EBF1: variants seen among roughly 807,000 people sequenced by gnomAD.
EBF1 encodes the protein transcription factor COE1.
A neutral mutation model predicts 68.4 loss-of-function variants in EBF1; 10 were observed. The ratio of observed to expected loss-of-function variants is 0.15; its 90% CI spans 0.09 to 0.25. EBF1 has a LOEUF of 0.25. Among genes scored for constraint, EBF1 ranks in the 10% least tolerant of loss-of-function variants. The probability of loss-of-function intolerance (pLI) is 1.00; values close to 1 mark genes in which losing one functional copy is unlikely to be tolerated. For missense variants in EBF1, 509 were observed against 794.4 expected (o/e 0.64, Z 4.32); for synonymous variants, 298 against 299.8 (o/e 0.99, Z 0.06).
At chr5:158,783,343 C>T (rs759059256) in intron 9 of EBF1, among the ~76,000 whole-genome samples, 4 of 152,036 alleles carry the variant, frequency 2.6e-5, no homozygotes, top group African/African-American at 2.4e-5. Flanking sequence ...GAATTAGATG[C>T]GTATTTGCAC....
rs1015400316 is a variant in EBF1 at position 158,696,614 on chromosome 5, C to T, written c.*2497G>A. 3 of 219,462 alleles carry T rather than the reference C, an allele frequency of 1.4e-5. No homozygotes were observed. The highest frequency in any genetic ancestry group is 9.2e-6 in the Non-Finnish European group (1 of 109,210). 13.6% of individuals were successfully genotyped at this position (219,462 alleles called of 1,614,324 possible). Reference sequence around the variant, plus strand: ...GAGTACCGAGAAGCAATGCGTCCACCTTGCTTACATTTTCCAGTTTTTTTT... The same window carrying T: ...GAGTACCGAGAAGCAATGCGTCCACTTTGCTTACATTTTCCAGTTTTTTTT... On this transcript the variant is annotated 3_prime_UTR_variant, in exon 16 of 16. Transcript: ENST00000313708.
intron 10 of EBF1, among the ~76,000 whole-genome samples, chr5:158,736,005 C>T (rs1028518713): frequency 2.6e-5 from 4 of 152,200 alleles, no homozygotes; most frequent in Non-Finnish European, 5.9e-5. Context: ...ATACTAATCA[C>T]AAGCTTCTAA....
At chr5:158,786,140 C>T (rs1213175896) in intron 9 of EBF1, among the ~76,000 whole-genome samples, 6 of 152,012 alleles carry the variant, frequency 3.9e-5, no homozygotes, top group Non-Finnish European at 8.8e-5. Flanking sequence ...ATTCTTTTTA[C>T]TAAAAAATTC....
intron 7 of EBF1, among the ~76,000 whole-genome samples, chr5:158,837,798 G>A (rs1372274811): frequency 6.6e-6 from 1 of 152,142 alleles, no homozygotes; most frequent in Non-Finnish European, 1.5e-5. Context: ...CCCAAACTCT[G>A]CTGCCCTAAG....
At chr5:158,758,942 T>A (rs1008600866) in intron 10 of EBF1, among the ~76,000 whole-genome samples, 1 of 152,208 alleles carries the variant, frequency 6.6e-6, no homozygotes, top group African/African-American at 2.4e-5. Flanking sequence ...TCCAGCTTCA[T>A]AATGATGATT....
intron 6 of EBF1, among the ~76,000 whole-genome samples, chr5:158,841,119 T>C (rs1037649624): frequency 1.3e-5 from 2 of 152,182 alleles, no homozygotes; most frequent in Non-Finnish European, 2.9e-5. Flanking sequence ...AGGTCCCAAT[T>C]TGCCAAGAAA....
chr5:159,021,039 C>CT, intron 6 of EBF1, among the ~76,000 whole-genome samples: 3 of 152,224 alleles, frequency 2.0e-5, no homozygotes, highest in Non-Finnish European at 4.4e-5. Flanking sequence ...AGTCTTCTCT[C>CT]TCTTGCACCC....
intron 6 of EBF1, among the ~76,000 whole-genome samples, chr5:159,022,692 G>C (rs574808673): frequency 6.6e-6 from 1 of 152,292 alleles, no homozygotes; most frequent in East Asian, 1.9e-4. Context: ...ACTGAAAAAG[G>C]AGTCTTTTTT....
chr5:158,771,210 T>A (rs988710179), intron 10 of EBF1, among the ~76,000 whole-genome samples: 6 of 152,166 alleles, frequency 3.9e-5, no homozygotes, highest in African/African-American at 1.2e-4. Flanking sequence ...ATATACCCAC[T>A]ATCTGCTTTT....
At chr5:158,866,345 G>A (rs1795857778) in intron 6 of EBF1, among the ~76,000 whole-genome samples, 1 of 152,094 alleles carries the variant, frequency 6.6e-6, no homozygotes, top group Non-Finnish European at 1.5e-5. Flanking sequence ...AGTCAAGGCT[G>A]GCATCTCCAA....
rs187639850 is a variant in EBF1 at position 158,872,693 on chromosome 5, C to T, written c.555-32583G>A. ...CAGTGTACAAACATAGGCATTTACTCTGTGGGATACACTGGTAGATGAAAC... is the reference window on the plus strand; with the variant it reads ...CAGTGTACAAACATAGGCATTTACTTTGTGGGATACACTGGTAGATGAAAC... On this transcript the variant is annotated intron_variant, in intron 6 of 15. Transcript: ENST00000313708. Among the ~76,000 whole-genome samples, 11 of 152,322 alleles carry T rather than the reference C, an allele frequency of 7.2e-5. 1 individual carries two copies. Among genetic ancestry groups the T allele is most frequent in the Admixed American group, 6.5e-4 (10 of 15,302 alleles).
rs1306966109 is a variant in EBF1 at position 158,713,006 on chromosome 5, C to T, written c.1333G>A (p.Val445Met). 7.2e-6 allele frequency: 11 copies of T among 1,531,308 alleles called. No homozygotes were observed. Among genetic ancestry groups the T allele is most frequent in the East Asian group, 2.4e-5 (1 of 41,504 alleles). The allele number at this position is 1,531,308 out of a possible 1,614,324, so 94.9% of individuals were successfully genotyped here. The change falls in exon 13 of 16, where the codon GTG becomes ATG. Residue 445 changes from valine to methionine, a missense_variant. By Grantham distance (21) the Val-to-Met change is conservative. Coordinates refer to ENST00000313708, the MANE Select transcript of EBF1 (RefSeq NM_024007.5). ...GCTTGTGATGCCTCGGAGACATTCA[C>T]GGCCAGTTGTCCACTGAACGAATTC... ...GVNSFSGQLA[V>M]NVSEASQATN...
intron 9 of EBF1, among the ~76,000 whole-genome samples, chr5:158,783,764 T>C (rs910508328): frequency 6.6e-6 from 1 of 152,026 alleles, no homozygotes; most frequent in Non-Finnish European, 1.5e-5. Flanking sequence ...ATGAAGGTGG[T>C]TGAATGGGGC....
At chr5:158,705,184 T>C (rs1390981832) in intron 15 of EBF1, among the ~76,000 whole-genome samples, 2 of 152,186 alleles carry the variant, frequency 1.3e-5, no homozygotes, top group African/African-American at 4.8e-5. Flanking sequence ...TTTCACCATG[T>C]TGGCCAGGCT....
intron 6 of EBF1, among the ~76,000 whole-genome samples, chr5:158,942,395 T>C (rs1205670500): frequency 6.6e-6 from 1 of 152,256 alleles, no homozygotes; most frequent in Non-Finnish European, 1.5e-5. Context: ...TTACTTCAGC[T>C]ATTTTAGCTT....
chr5:159,061,123 A>G (rs1469607287), intron 6 of EBF1, among the ~76,000 whole-genome samples: 1 of 151,866 alleles, frequency 6.6e-6, no homozygotes, highest in Non-Finnish European at 1.5e-5. Context: ...TTTCTTAATT[A>G]TTATTATTAT....
intron 7 of EBF1, among the ~76,000 whole-genome samples, chr5:158,827,955 T>C (rs907350480): frequency 1.3e-5 from 2 of 152,226 alleles, no homozygotes; most frequent in African/African-American, 2.4e-5. Context: ...TAATTTTGAA[T>C]GATTATTTAA....
At chr5:159,094,622 C>T (rs547651617) in intron 4 of EBF1, among the ~76,000 whole-genome samples, 2 of 152,122 alleles carry the variant, frequency 1.3e-5, no homozygotes, top group Non-Finnish European at 1.5e-5. Flanking sequence ...GAAAGAAAAT[C>T]ATTTCTCTTA....
intron 10 of EBF1, among the ~76,000 whole-genome samples, chr5:158,766,594 A>G (rs905963503): frequency 1.3e-5 from 2 of 152,174 alleles, no homozygotes; most frequent in Admixed American, 6.6e-5. Context: ...AAAAAGGGAG[A>G]ACACCAAATA....
Sources: gnomAD v4.1 joint callset for allele counts (sites outside exome capture counted in the v4.1 genomes callset) on GRCh38, gnomAD v4.1.1 for gene constraint, MANE v1.5 for transcripts, NCBI Gene and HGNC (gene_info 2026-07-23, HGNC 2026-07-21) for gene names.